Variants in FHIT observed in about 807,000 individuals in gnomAD.
FHIT encodes the protein bis(5'-adenosyl)-triphosphatase.
In FHIT, 19 loss-of-function variants were observed where a neutral mutation model predicts 17.9. The ratio of observed to expected loss-of-function variants is 1.06; its 90% confidence interval spans 0.74 to 1.56. The LOEUF is 1.56. Ranked by LOEUF, FHIT falls within the 40% of genes most tolerant of loss-of-function variation. The probability of loss-of-function intolerance (pLI) is 0.00; values close to 1 mark genes in which losing one functional copy is unlikely to be tolerated. For synonymous variants in FHIT, 81 were observed against 69.7 expected (o/e 1.16, Z -0.81); for missense variants, 248 against 189.2 (o/e 1.31, Z -1.82).
At chr3:60,649,121 G>T (rs2039931969) in intron 4 of FHIT, among the ~76,000 whole-genome samples, 1 of 152,186 alleles carries the variant, frequency 6.6e-6, no homozygotes, top group Non-Finnish European at 1.5e-5. Flanking sequence ...ATTGCGGCCG[G>T]GCGCGGTGGC....
chr3:60,805,598 C>A (rs556205695), intron 4 of FHIT, among the ~76,000 whole-genome samples: 24 of 152,162 alleles, frequency 1.6e-4, no homozygotes, highest in Non-Finnish European at 5.9e-5. Context: ...CTCTGTCACC[C>A]AGGCTGGAGT....
chr3:61,168,868 C>T (rs1367399325), intron 2 of FHIT, among the ~76,000 whole-genome samples: 1 of 152,184 alleles, frequency 6.6e-6, no homozygotes, highest in African/African-American at 2.4e-5. Flanking sequence ...TCTTTTCAGT[C>T]TTCAGGCTAC....
intron 4 of FHIT, among the ~76,000 whole-genome samples, chr3:60,815,695 G>A (rs1222134285): frequency 6.6e-6 from 1 of 151,976 alleles, no homozygotes; most frequent in Non-Finnish European, 1.5e-5. Context: ...TTTTGTTTAA[G>A]TTTGCTTTGG....
chr3:60,181,878 C>A (rs532126166), intron 5 of FHIT, among the ~76,000 whole-genome samples: 8 of 152,252 alleles, frequency 5.3e-5, no homozygotes, highest in African/African-American at 1.7e-4. Flanking sequence ...TGGAGGTACA[C>A]CCTCCTATAT....
Position 61,068,316 on chromosome 3 carries a change from T to G in FHIT, c.-163-26217A>C, listed in dbSNP as rs191084851. ...GGCAGAATGCAGTTCTGAAGTCCTG[T>G]TTCCTTATTGCCTGTCAGCTGAAGA... On this transcript the variant is annotated intron_variant, in intron 2 of 9. Transcript: ENST00000492590. 7.9e-5 allele frequency among the ~76,000 whole-genome samples: 12 copies of G among 152,304 alleles called. No homozygotes were observed. In the South Asian group the frequency reaches 1.7e-3, roughly 21 times the overall value.
chr3:60,855,589 T>C (rs964386378), intron 3 of FHIT, among the ~76,000 whole-genome samples: 3 of 152,118 alleles, frequency 2.0e-5, no homozygotes, highest in Admixed American at 6.6e-5. Flanking sequence ...GTAATAAATA[T>C]CCCTGTGATT....
intron 2 of FHIT, among the ~76,000 whole-genome samples, chr3:61,089,147 G>C (rs1457808326): frequency 6.6e-6 from 1 of 152,120 alleles, no homozygotes; most frequent in Non-Finnish European, 1.5e-5. Context: ...AACTGGCATA[G>C]GGCATCCAAA....
intron 8 of FHIT, among the ~76,000 whole-genome samples, chr3:59,847,811 T>TTAAA (rs1433155959): frequency 2.0e-5 from 3 of 152,186 alleles, no homozygotes; most frequent in Admixed American, 2.0e-4. Context: ...AGGTATAAAC[T>TTAAA]TAAAGTCTTT....
intron 5 of FHIT, among the ~76,000 whole-genome samples, chr3:60,415,141 C>T (rs1702198271): frequency 6.6e-6 from 1 of 152,084 alleles, no homozygotes; most frequent in Admixed American, 6.6e-5. Flanking sequence ...GCATGGTACC[C>T]TGTAAATGGC....
At chr3:60,947,353 A>G (rs1553775960) in intron 3 of FHIT, among the ~76,000 whole-genome samples, 2 of 152,230 alleles carry the variant, frequency 1.3e-5, no homozygotes, top group Non-Finnish European at 2.9e-5. Context: ...TGGTATTAAT[A>G]GACTATGACT....
Position 60,313,022 on chromosome 3 carries a change from A to T in FHIT, c.103+223838T>A, listed in dbSNP as rs544266583. On this transcript the variant is annotated intron_variant, in intron 5 of 9. Transcript: ENST00000492590. ...TGATATGATTTCCCCCAGATTACAGATGAAGAAACAGACCCAAATTAGTTT... is the reference window on the plus strand; with the variant it reads ...TGATATGATTTCCCCCAGATTACAGTTGAAGAAACAGACCCAAATTAGTTT... Among the ~76,000 whole-genome samples, 3 of 152,302 alleles carry T rather than the reference A, an allele frequency of 2.0e-5. No homozygotes were observed. The South Asian group carries it at 6.2e-4, about 32-fold the overall frequency.
chr3:60,144,840 T>C (rs1352056145), intron 5 of FHIT, among the ~76,000 whole-genome samples: 2 of 152,216 alleles, frequency 1.3e-5, no homozygotes, highest in Non-Finnish European at 2.9e-5. Context: ...GTATTTCTCC[T>C]ATCTGGCTGT....
intron 5 of FHIT, among the ~76,000 whole-genome samples, chr3:60,079,051 T>C (rs372606059): frequency 1.9e-4 from 29 of 152,114 alleles, no homozygotes; most frequent in African/African-American, 4.6e-4. Flanking sequence ...CTTTGCAAAA[T>C]AGAGACAACA....
intron 5 of FHIT, among the ~76,000 whole-genome samples, chr3:60,300,091 T>C (rs1313421448): frequency 6.6e-6 from 1 of 152,094 alleles, no homozygotes; most frequent in African/African-American, 2.4e-5. Context: ...TACCATATTG[T>C]TTCTTGTGTC....
At chr3:60,900,050 G>A (rs1334130646) in intron 3 of FHIT, among the ~76,000 whole-genome samples, 1 of 152,114 alleles carries the variant, frequency 6.6e-6, no homozygotes, top group Non-Finnish European at 1.5e-5. Flanking sequence ...AACCTAAATG[G>A]CAATACAAAG....
At chr3:61,065,969 A>G (rs1219876174) in intron 2 of FHIT, among the ~76,000 whole-genome samples, 1 of 152,152 alleles carries the variant, frequency 6.6e-6, no homozygotes, top group Non-Finnish European at 1.5e-5. Context: ...TAATTTATAA[A>G]CAACAGAGAT....
intron 3 of FHIT, among the ~76,000 whole-genome samples, chr3:60,846,573 A>C (rs560920456): frequency 6.6e-6 from 1 of 152,316 alleles, no homozygotes; most frequent in South Asian, 2.1e-4. Context: ...ATATTTGAGA[A>C]AATCAGTTGA....
chr3:59,908,510 A>C (rs1182593522), intron 8 of FHIT, among the ~76,000 whole-genome samples: 2 of 152,230 alleles, frequency 1.3e-5, no homozygotes, highest in Non-Finnish European at 2.9e-5. Context: ...ACCATCCTGC[A>C]AAGAATGATG....
intron 4 of FHIT, among the ~76,000 whole-genome samples, chr3:60,708,820 G>C (rs1211147056): frequency 1.3e-5 from 2 of 152,210 alleles, no homozygotes; most frequent in Non-Finnish European, 2.9e-5. Context: ...TTGGGAAAGA[G>C]TGATATTGGA....
Sources: allele counts gnomAD v4.1 joint callset (sites outside exome capture counted in the v4.1 genomes callset), GRCh38; gene constraint gnomAD v4.1.1; transcripts MANE v1.5; gene names NCBI Gene and HGNC (gene_info 2026-07-23, HGNC 2026-07-21).